The following LCK variants were observed in gnomAD, a reference collection of about 807,000 sequenced individuals.
LCK encodes the protein tyrosine-protein kinase Lck.
LCK carries 14 observed loss-of-function variants against 64.6 expected under a neutral mutation model. The ratio of observed to expected loss-of-function variants is 0.22; its 90% confidence interval spans 0.14 to 0.34. The LOEUF (loss-of-function observed/expected upper bound fraction) is 0.34, where lower values mean the gene tolerates loss of function less well. Among genes scored for constraint, LCK ranks in the 10% least tolerant of loss-of-function variants. LCK has a pLI of 1.00. For synonymous variants in LCK, 277 were observed against 263.6 expected, an observed-to-expected ratio of 1.05 and a Z score of -0.49; for missense variants, 434 against 668.1, an observed-to-expected ratio of 0.65 and a Z score of 3.86.
intron 1 of LCK, among the ~76,000 whole-genome samples, chr1:32,268,343 T>C (rs1639985090): frequency 6.6e-6 from 1 of 151,954 alleles, no homozygotes; most frequent in African/African-American, 2.4e-5. Flanking sequence ...CAAGGGGTCT[T>C]GTTCTGTCAC....
At chr1:32,274,199 T>G (rs751257331) in intron 1 of LCK, 126 bp from the exon 2 acceptor site, 2 of 1,533,818 alleles carry the variant, frequency 1.3e-6, no homozygotes, top group Non-Finnish European at 1.7e-6. Context: ...GGCTGGTGAA[T>G]GGGGATCCCA....
chr1:32,281,394 A>T (rs1640454818), intron 12 of LCK, among the ~76,000 whole-genome samples: 1 of 150,362 alleles, frequency 6.7e-6, no homozygotes, highest in African/African-American at 2.4e-5. Flanking sequence ...CAGGAGGTTG[A>T]GGGTGCAGTG....
At chr1:32,262,599 T>C (rs1458076732) in intron 1 of LCK, among the ~76,000 whole-genome samples, 1 of 151,384 alleles carries the variant, frequency 6.6e-6, no homozygotes, top group Non-Finnish European at 1.5e-5. Context: ...AATTTTTGTA[T>C]TTTTAGTAGA....
Position 32,275,563 on chromosome 1 carries a change from G to A in LCK, c.378-6G>A. On this transcript the variant is annotated splice_region_variant and splice_polypyrimidine_tract_variant and intron_variant, in intron 5 of 12. Coordinates refer to ENST00000336890, the MANE Select transcript of LCK (RefSeq NM_005356.5). This position sits in a 1 kb window ranked among gnomAD's most constrained non-coding sequence, Gnocchi z 6.9. ...GACGGCCTTCGTTCGCTTCCGCCCT[G>A]CACAGCTGGTTCTTCAAGAACCTGA... 6.4e-7 allele frequency: 1 copy of A among 1,566,070 alleles called. No homozygotes were observed. Among genetic ancestry groups the A allele is most frequent in the Non-Finnish European group, 8.7e-7 (1 of 1,155,090 alleles).
intron 12 of LCK, among the ~76,000 whole-genome samples, chr1:32,285,306 A>C (rs1200249629): frequency 6.6e-6 from 1 of 152,216 alleles, no homozygotes; most frequent in Non-Finnish European, 1.5e-5. Context: ...CATCTCAAAA[A>C]AAAAGAAAAG....
At position 32,273,018 on chromosome 1, in the gene LCK, C is replaced by T. The variant is rs534687537; in HGVS notation, c.-5-1307C>T. Reference sequence around the variant, plus strand: ...CGTGTGTGTGTGTATGTGGGTGTGACTGTGTGGGTGTGTGGACGAGTGTGT... The same window carrying T: ...CGTGTGTGTGTGTATGTGGGTGTGATTGTGTGGGTGTGTGGACGAGTGTGT... On this transcript the variant is annotated intron_variant, in intron 1 of 12. Coordinates refer to ENST00000336890, the MANE Select transcript of LCK (RefSeq NM_005356.5). Among the ~76,000 whole-genome samples the T allele has an allele frequency of 1.9e-3, 247 of 129,106 alleles. 3 individuals are homozygous for T. Among genetic ancestry groups the T allele is most frequent in the African/African-American group, 7.1e-3 (237 of 33,266 alleles). 84.7% of individuals were successfully genotyped at this position (129,106 alleles called of 152,430 possible).
At chr1:32,270,406 C>T (rs1336654738) in intron 1 of LCK, among the ~76,000 whole-genome samples, 1 of 147,750 alleles carries the variant, frequency 6.8e-6, no homozygotes, top group African/African-American at 2.5e-5. Context: ...GCCCAGCCTG[C>T]TCTTTTGAGA....
chr1:32,270,349 CCA>C (rs1271219253), intron 1 of LCK, among the ~76,000 whole-genome samples: 1 of 151,530 alleles, frequency 6.6e-6, no homozygotes, highest in African/African-American at 2.4e-5. Flanking sequence ...GGTGATCCAC[CCA>C]CCTTGGCCTC....
In LCK at chr1:32,286,091, C is replaced by A; in HGVS notation, c.*375C>A. On this transcript the variant is annotated 3_prime_UTR_variant, in exon 13 of 13. Coordinates refer to ENST00000336890, the MANE Select transcript of LCK (RefSeq NM_005356.5). ...CAAGGGCCAGGACTTTATCTAATAC[C>A]TCTGTGTGCTCCTCCTTGGTGCCTG... The A allele has an allele frequency of 3.0e-6, 1 of 337,468 alleles. No individual in the cohort carries two copies. The highest frequency in any genetic ancestry group is 5.6e-6 in the Non-Finnish European group (1 of 179,728). The allele number at this position is 337,468 out of a possible 1,614,324, so 20.9% of individuals were successfully genotyped here.
At chr1:32,277,629 C>T (rs1025106940) in intron 9 of LCK, among the ~76,000 whole-genome samples, 1 of 152,206 alleles carries the variant, frequency 6.6e-6, no homozygotes, top group Admixed American at 6.6e-5. Context: ...CAAGTGCCTG[C>T]ACTGTCTCTG....
In LCK at chr1:32,270,691, AC is replaced by A. The variant is rs1399582570; in HGVS notation, c.-5-3633del. Among the ~76,000 whole-genome samples the A allele has an allele frequency of 7.8e-3, 651 of 83,404 alleles. 8 individuals carry two copies. The highest frequency in any genetic ancestry group is 0.03 in the African/African-American group (607 of 20,482). 54.7% of individuals were successfully genotyped at this position (83,404 alleles called of 152,430 possible). A position where few individuals can be genotyped will look rare whatever the true frequency, so the allele number is the denominator to read the frequency against. On this transcript the variant is annotated intron_variant, in intron 1 of 12. Coordinates refer to ENST00000336890, the MANE Select transcript of LCK (RefSeq NM_005356.5). ...TACAGGAATGAGCCATCGTGCCCGG[AC>A]TTTTTTTTTTTTTTTTTTTTTTTTT...
chr1:32,276,325 T>A lies in LCK; in HGVS notation c.632-12T>A, dbSNP rs760510287. Reference sequence around the variant, plus strand: ...CCTATTGACAGCCTTCACCCCTCCCTCGTCCTCGCAGATGCTTCAGATGGG... The same window carrying A: ...CCTATTGACAGCCTTCACCCCTCCCACGTCCTCGCAGATGCTTCAGATGGG... On this transcript the variant is annotated splice_polypyrimidine_tract_variant and intron_variant, in intron 7 of 12. Transcript: ENST00000336890. This position sits in a 1 kb window ranked among gnomAD's most constrained non-coding sequence, Gnocchi z 4.6. 6.5e-7 allele frequency: 1 copy of A among 1,549,890 alleles called. No homozygotes were observed. The highest frequency in any genetic ancestry group is 8.7e-7 in the Non-Finnish European group (1 of 1,150,668).
At position 32,259,195 on chromosome 1, in the gene LCK, G is replaced by A. The variant is rs116411317; in HGVS notation, c.-6+7824G>A. 5.8e-3 allele frequency among the ~76,000 whole-genome samples: 867 copies of A among 149,350 alleles called. 5 individuals are homozygous for A. The highest frequency in any genetic ancestry group is 0.02 in the African/African-American group (821 of 40,430). On this transcript the variant is annotated intron_variant, in intron 1 of 12. Coordinates refer to ENST00000336890, the MANE Select transcript of LCK (RefSeq NM_005356.5). ...GTGGATTGCTTAAGCTCAGGAGTTT[G>A]AGACTAGCCTGAGCAACATGGCAAA...
chr1:32,270,144 T>A (rs1362023163), intron 1 of LCK, among the ~76,000 whole-genome samples: 1 of 152,014 alleles, frequency 6.6e-6, no homozygotes, highest in East Asian at 1.9e-4. Context: ...AGAGTCTCTG[T>A]CACCCAAGTT....
At chr1:32,263,133 T>C (rs371110054) in intron 1 of LCK, among the ~76,000 whole-genome samples, 69 of 152,308 alleles carry the variant, frequency 4.5e-4, no homozygotes, top group African/African-American at 1.6e-3. Flanking sequence ...GACTCATGCC[T>C]GTCATCCCAG....
chr1:32,274,522 A>G (rs1640195491), intron 2 of LCK, 88 bp downstream of exon 2: 1 of 1,152,620 alleles, frequency 8.7e-7, no homozygotes, highest in East Asian at 2.4e-5. Flanking sequence ...CAGGCCCTTG[A>G]AAGAATAGAG....
intron 12 of LCK, among the ~76,000 whole-genome samples, chr1:32,283,124 A>C (rs1439254806): frequency 6.6e-6 from 1 of 151,958 alleles, no homozygotes; most frequent in Non-Finnish European, 1.5e-5. Flanking sequence ...CCCCATCTCT[A>C]CTAAAAATAC....
rs1329562596 is a variant in LCK at position 32,276,608 on chromosome 1, G to T, written c.786G>T (p.Gly262=). Residue 262 remains glycine (G), a splice_region_variant and synonymous_variant, in exon 9 of 13, where the codon GGG becomes GGT. Transcript: ENST00000336890. This position sits in a 1 kb window ranked among gnomAD's most constrained non-coding sequence, Gnocchi z 4.6. ...GAGQFGEVWM[G]YYNGHTKVAV... The stretch of plus-strand genomic sequence containing the variant: ...CACTCCTTCCCTTCCCCGACCCAGG[G>T]TACTACAACGGGCACACGAAGGTGG... The T allele has an allele frequency of 1.2e-6, 2 of 1,610,234 alleles. No homozygotes were observed. Among genetic ancestry groups the T allele is most frequent in the Non-Finnish European group, 8.5e-7 (1 of 1,177,668 alleles).
chr1:32,253,691 G>A (rs937145060), intron 1 of LCK, among the ~76,000 whole-genome samples: 4 of 152,200 alleles, frequency 2.6e-5, no homozygotes, highest in Non-Finnish European at 2.9e-5. Flanking sequence ...ACCTTGGTGG[G>A]CCAGTGAACC....
Sources: allele counts gnomAD v4.1 joint callset (sites outside exome capture counted in the v4.1 genomes callset), GRCh38; gene constraint gnomAD v4.1.1; non-coding constraint Gnocchi (gnomAD v3.1); transcripts MANE v1.5; gene names NCBI Gene and HGNC (gene_info 2026-07-23, HGNC 2026-07-21).